MACROD2: variants seen among roughly 807,000 people sequenced by gnomAD.
MACROD2 encodes mono-ADP ribosylhydrolase 2, also known as ADP-ribose glycohydrolase MACROD2.
MACROD2 carries 36 observed loss-of-function variants against 70.4 expected under a neutral mutation model. The ratio of observed to expected loss-of-function variants is 0.51; its 90% CI spans 0.39 to 0.68. MACROD2 has a LOEUF of 0.68. Ranked by LOEUF, MACROD2 falls within the 30% of genes least tolerant of loss-of-function variation. The pLI, the probability that MACROD2 is intolerant of heterozygous loss-of-function variation, is 0.00. For missense variants in MACROD2, 496 were observed against 538.4 expected (o/e 0.92, Z 0.78); for synonymous variants, 172 against 178.8 (o/e 0.96, Z 0.30).
chr20:14,284,907 A>G (rs562692277), intron 3 of MACROD2, among the ~76,000 whole-genome samples: 1 of 152,354 alleles, frequency 6.6e-6, no homozygotes, highest in African/African-American at 2.4e-5. Flanking sequence ...AGACATTATT[A>G]TAACAAACTC....
rs1342173197 is a variant in MACROD2 at position 15,562,246 on chromosome 20, G to C, written c.645+62399G>C. On this transcript the variant is annotated intron_variant, in intron 8 of 17. Coordinates refer to ENST00000684519, the MANE Select transcript of MACROD2 (RefSeq NM_001351661.2). Reference sequence around the variant, plus strand: ...TCTGTCCATCTTGGAGCAGCTACGTGAGGATTTTACAGCTGTCTTTGTTTC... The same window carrying C: ...TCTGTCCATCTTGGAGCAGCTACGTCAGGATTTTACAGCTGTCTTTGTTTC... Among the ~76,000 whole-genome samples the C allele has an allele frequency of 2.0e-5, 3 of 152,194 alleles. No homozygotes were observed. In the South Asian group the frequency reaches 6.2e-4, roughly 32 times the overall value.
chr20:15,849,855 T>G (rs1415218480), intron 8 of MACROD2, among the ~76,000 whole-genome samples: 1 of 152,022 alleles, frequency 6.6e-6, no homozygotes, highest in African/African-American at 2.4e-5. Context: ...AAACAATGGC[T>G]CCATGGTTGG....
At chr20:15,258,478 A>G (rs898002238) in intron 6 of MACROD2, among the ~76,000 whole-genome samples, 1 of 152,132 alleles carries the variant, frequency 6.6e-6, no homozygotes, top group Non-Finnish European at 1.5e-5. Flanking sequence ...ATACACAAAT[A>G]CCATTGTGTT....
chr20:15,491,814 G>C (rs1197844561), intron 7 of MACROD2, among the ~76,000 whole-genome samples: 2 of 152,348 alleles, frequency 1.3e-5, no homozygotes, highest in African/African-American at 2.4e-5. Flanking sequence ...TCAGGTAAAA[G>C]GTTTAAGTCA....
chr20:15,897,651 A>G (rs2064993921), intron 10 of MACROD2, among the ~76,000 whole-genome samples: 1 of 151,388 alleles, frequency 6.6e-6, no homozygotes, highest in South Asian at 2.1e-4. Context: ...ACTTTATTTA[A>G]TCTGATGTTT....
chr20:15,385,793 T>C (rs2045704973), intron 6 of MACROD2, among the ~76,000 whole-genome samples: 1 of 152,214 alleles, frequency 6.6e-6, no homozygotes, highest in African/African-American at 2.4e-5. Context: ...TCGTTCTGAA[T>C]CTATTTAATC....
intron 3 of MACROD2, among the ~76,000 whole-genome samples, chr20:14,151,472 G>A (rs928928336): frequency 4.6e-5 from 7 of 152,124 alleles, no homozygotes; most frequent in Non-Finnish European, 1.5e-5. Flanking sequence ...ATTTGGCATG[G>A]AAATGTTAGC....
intron 10 of MACROD2, among the ~76,000 whole-genome samples, chr20:15,923,029 G>A (rs1410346432): frequency 6.6e-6 from 1 of 152,148 alleles, no homozygotes; most frequent in Non-Finnish European, 1.5e-5. Context: ...TGGCTACAGA[G>A]ATTCAGAATT....
intron 12 of MACROD2, among the ~76,000 whole-genome samples, chr20:15,939,488 T>C (rs6080032): frequency 0.059 from 8,979 of 152,164 alleles, 439 homozygotes; most frequent in East Asian, 0.24. Context: ...TTACTGAATA[T>C]TTTAAGCCCA....
At chr20:15,467,806 G>T (rs1346025734) in intron 7 of MACROD2, among the ~76,000 whole-genome samples, 2 of 152,182 alleles carry the variant, frequency 1.3e-5, no homozygotes, top group Non-Finnish European at 2.9e-5. Context: ...CAGGTACTCT[G>T]TTTCTTCCTG....
intron 17 of MACROD2, among the ~76,000 whole-genome samples, chr20:16,046,295 G>C (rs961496602): frequency 1.3e-5 from 2 of 151,686 alleles, no homozygotes; most frequent in African/African-American, 2.4e-5. Flanking sequence ...CTGCTAAAAA[G>C]TATAAGCTCA....
At chr20:15,721,751 T>A (rs2050790434) in intron 8 of MACROD2, among the ~76,000 whole-genome samples, 1 of 152,186 alleles carries the variant, frequency 6.6e-6, no homozygotes, top group Non-Finnish European at 1.5e-5. Context: ...ACACAAACCC[T>A]ATACATAAAA....
chr20:14,447,021 A>C (rs149644346), intron 3 of MACROD2, among the ~76,000 whole-genome samples: 3 of 151,938 alleles, frequency 2.0e-5, no homozygotes, highest in East Asian at 1.9e-4. Flanking sequence ...TTTCTTTTTT[A>C]TTTTTTCCTT....
chr20:14,308,593 T>C (rs556766198), intron 3 of MACROD2, among the ~76,000 whole-genome samples: 1 of 152,198 alleles, frequency 6.6e-6, no homozygotes, highest in South Asian at 2.1e-4. Flanking sequence ...CAAAGGAAAA[T>C]GACTGAACCC....
At chr20:14,928,713 G>T (rs2074263240) in intron 5 of MACROD2, among the ~76,000 whole-genome samples, 1 of 152,136 alleles carries the variant, frequency 6.6e-6, no homozygotes. Context: ...TGCTCTGAAG[G>T]ATGTCTACAT....
intron 12 of MACROD2, among the ~76,000 whole-genome samples, chr20:15,940,217 G>A (rs4814417): frequency 0.71 from 107,163 of 151,352 alleles, 38,142 homozygotes; most frequent in Non-Finnish European, 0.75. Flanking sequence ...CAGCCTCCCA[G>A]GTAGCTCAGA....
chr20:14,364,669 T>G (rs1370464391), intron 3 of MACROD2, among the ~76,000 whole-genome samples: 2 of 152,230 alleles, frequency 1.3e-5, no homozygotes, highest in Non-Finnish European at 2.9e-5. Flanking sequence ...TCTAAGAATT[T>G]GCCAGTCAGG....
chr20:14,219,363 T>C (rs1379853315), intron 3 of MACROD2, among the ~76,000 whole-genome samples: 1 of 152,104 alleles, frequency 6.6e-6, no homozygotes, highest in Non-Finnish European at 1.5e-5. Context: ...TTGTTAAAAG[T>C]GTGTCCAAAG....
intron 8 of MACROD2, among the ~76,000 whole-genome samples, chr20:15,701,870 G>A (rs932992064): frequency 3.9e-5 from 6 of 152,190 alleles, no homozygotes; most frequent in African/African-American, 1.4e-4. Flanking sequence ...TTATATCCAC[G>A]AGTACTCACT....
Sources: allele counts gnomAD v4.1 joint callset (sites outside exome capture counted in the v4.1 genomes callset), GRCh38; gene constraint gnomAD v4.1.1; transcripts MANE v1.5; gene names NCBI Gene and HGNC (gene_info 2026-07-23, HGNC 2026-07-21).